Variants in ELFN1 observed in about 807,000 individuals in gnomAD.
ELFN1 encodes the protein protein ELFN1.
In ELFN1, 6 loss-of-function variants were observed where a neutral mutation model predicts 7.6. The observed-to-expected ratio is 0.79, with a 90% CI of 0.43 to 1.56. ELFN1 has a LOEUF of 1.56. ELFN1 is among the 40% of genes most tolerant of loss of function. ELFN1 has a pLI of 0.01. For missense variants in ELFN1, 1,169 were observed against 1,232.2 expected, an observed-to-expected ratio of 0.95 and a Z score of 0.77; for synonymous variants, 657 against 588.1, an observed-to-expected ratio of 1.12 and a Z score of -1.70.
In ELFN1 at chr7:1,670,935, G is replaced by A. The variant is rs955703087; in HGVS notation, c.-549+581G>A. On this transcript the variant is annotated intron_variant, in intron 1 of 3. Coordinates refer to ENST00000424383, the MANE Select transcript of ELFN1 (RefSeq NM_001128636.4). This position sits in a 1 kb window ranked among gnomAD's most constrained non-coding sequence, Gnocchi z 6.4. ...CCCTGAGTCCAACCACTGGCGGGGG[G>A]GTGGGGTGGGGGGCTTCGCTCCGAA... 9.9e-5 allele frequency among the ~76,000 whole-genome samples: 15 copies of A among 152,252 alleles called. No homozygotes were observed. The South Asian group carries it at 1.5e-3, about 15-fold the overall frequency.
intron 1 of ELFN1, among the ~76,000 whole-genome samples, chr7:1,676,313 T>C (rs1778870508): frequency 6.6e-6 from 1 of 152,122 alleles, no homozygotes; most frequent in South Asian, 2.1e-4. Context: ...GCCTCTGCCC[T>C]CTTCACTGAG....
Position 1,740,107 on chromosome 7 carries a change from T to C in ELFN1, c.-293-4197T>C, listed in dbSNP as rs563946914. Among the ~76,000 whole-genome samples, 1 of 152,224 alleles carries C rather than the reference T, an allele frequency of 6.6e-6. No individual in the cohort carries two copies. The highest frequency in any genetic ancestry group is 1.5e-5 in the Non-Finnish European group (1 of 67,974). Reference sequence around the variant, plus strand: ...AGAAAGTGGTGTGGGCAGGATGGCATTGCAGAGGGCTGGAGGTATCAGACC... The same window carrying C: ...AGAAAGTGGTGTGGGCAGGATGGCACTGCAGAGGGCTGGAGGTATCAGACC... On this transcript the variant is annotated intron_variant, in intron 3 of 3. Coordinates refer to ENST00000424383, the MANE Select transcript of ELFN1 (RefSeq NM_001128636.4). The surrounding 1 kb of genome is among the most constrained non-coding windows in gnomAD (Gnocchi z 5.0).
chr7:1,718,517 T>A (rs1347369892), intron 3 of ELFN1, among the ~76,000 whole-genome samples: 1 of 152,134 alleles, frequency 6.6e-6, no homozygotes, highest in Non-Finnish European at 1.5e-5. Flanking sequence ...TATGAGGAAA[T>A]CATTAGCATG....
Position 1,735,969 on chromosome 7 carries a change from G to C in ELFN1, c.-293-8335G>C, listed in dbSNP as rs1780429490. 6.6e-6 allele frequency among the ~76,000 whole-genome samples: 1 copy of C among 152,170 alleles called. No homozygotes were observed. Among genetic ancestry groups the C allele is most frequent in the Admixed American group, 6.5e-5 (1 of 15,282 alleles). Reference sequence around the variant, plus strand: ...AAGGTCACACAGCAGGCGCACGGCAGAGCCAACACCATCTCCTGGCCCACG... The same window carrying C: ...AAGGTCACACAGCAGGCGCACGGCACAGCCAACACCATCTCCTGGCCCACG... On this transcript the variant is annotated intron_variant, in intron 3 of 3. Transcript: ENST00000424383. This position sits in a 1 kb window ranked among gnomAD's most constrained non-coding sequence, Gnocchi z 5.9.
intron 3 of ELFN1, among the ~76,000 whole-genome samples, chr7:1,712,254 T>A (rs1230336517): frequency 6.6e-6 from 1 of 151,202 alleles, no homozygotes; most frequent in Admixed American, 6.6e-5. Flanking sequence ...CCTGAGTAGC[T>A]GGGACTACAG....
rs1175156383 is a variant in ELFN1, at chr7:1,745,513, T to G, written c.917T>G (p.Leu306Arg). 6.5e-7 allele frequency: 1 copy of G among 1,545,612 alleles called. No homozygotes were observed. Among genetic ancestry groups the G allele is most frequent in the Non-Finnish European group, 8.7e-7 (1 of 1,146,800 alleles). ...SGDGTTPLVALPTLATQAEAR... is the reference protein window; with the variant it reads ...SGDGTTPLVARPTLATQAEAR... ...GACGGCACCACGCCACTGGTGGCCC[T>G]GCCCACGCTGGCCACGCAGGCCGAG... Residue 306 changes from leucine to arginine, a missense_variant, in exon 4 of 4, where the codon CTG becomes CGG. Physicochemically the swap from Leu to Arg is moderately radical, Grantham distance 102. Transcript: ENST00000424383.
intron 3 of ELFN1, among the ~76,000 whole-genome samples, chr7:1,734,707 CT>C (rs543161002): frequency 1.1e-3 from 157 of 144,802 alleles, no homozygotes; most frequent in Admixed American, 1.1e-3. Flanking sequence ...CTTTTTTTTT[CT>C]TTTTTTTTTT....
At chr7:1,726,351 G>A (rs1211067536) in intron 3 of ELFN1, among the ~76,000 whole-genome samples, 2 of 152,194 alleles carry the variant, frequency 1.3e-5, no homozygotes, top group African/African-American at 4.8e-5. Context: ...CCTCACCTTG[G>A]CCCTTTGAAG....
intron 2 of ELFN1, chr7:1,691,767 C>A (rs1779170143): frequency 6.6e-6 from 1 of 152,248 alleles, no homozygotes; most frequent in Admixed American, 6.5e-5. Flanking sequence ...GAACCCCACA[C>A]CTGGGACATT....
intron 2 of ELFN1, among the ~76,000 whole-genome samples, chr7:1,700,310 T>C (rs900471770): frequency 3.9e-5 from 6 of 152,232 alleles, no homozygotes; most frequent in African/African-American, 1.4e-4. Flanking sequence ...GGTGAAGACG[T>C]AGAATGCTGG....
intron 3 of ELFN1, among the ~76,000 whole-genome samples, chr7:1,722,343 T>C (rs1199677250): frequency 2.0e-5 from 3 of 150,328 alleles, no homozygotes; most frequent in African/African-American, 7.4e-5. Context: ...CTCGGCTCAC[T>C]GCAACCTCCG....
At chr7:1,682,184 C>T (rs971597813) in intron 1 of ELFN1, among the ~76,000 whole-genome samples, 1 of 152,052 alleles carries the variant, frequency 6.6e-6, no homozygotes, top group Non-Finnish European at 1.5e-5. Context: ...AATCGTTTGC[C>T]TAACCCAAGG....
intron 1 of ELFN1, among the ~76,000 whole-genome samples, chr7:1,686,533 C>G (rs1161202457): frequency 6.6e-6 from 1 of 151,936 alleles, no homozygotes; most frequent in East Asian, 1.9e-4. Flanking sequence ...TAGATTACCT[C>G]TGTGTTTGCA....
intron 1 of ELFN1, among the ~76,000 whole-genome samples, chr7:1,681,029 A>C (rs1778966584): frequency 6.6e-6 from 1 of 152,210 alleles, no homozygotes; most frequent in Non-Finnish European, 1.5e-5. Context: ...GGCGTGAGCC[A>C]CTGCGCCCAG....
chr7:1,699,255 C>T (rs117145312), intron 2 of ELFN1, among the ~76,000 whole-genome samples: 3,171 of 152,270 alleles, frequency 0.021, 46 homozygotes, highest in Non-Finnish European at 0.027. Context: ...TGCACTTCCC[C>T]GCACATGTGT....
At chr7:1,726,934 G>T (rs961726488) in intron 3 of ELFN1, among the ~76,000 whole-genome samples, 4 of 152,198 alleles carry the variant, frequency 2.6e-5, no homozygotes, top group African/African-American at 9.6e-5. Flanking sequence ...GTCCTCTGAG[G>T]GTCGTTTTAC....
intron 3 of ELFN1, among the ~76,000 whole-genome samples, chr7:1,710,148 C>G (rs190727013): frequency 2.6e-4 from 39 of 152,316 alleles, no homozygotes; most frequent in African/African-American, 9.4e-4. Context: ...GCTTGTCTTC[C>G]ATATTGAAGA....
At position 1,722,760 on chromosome 7, in the gene ELFN1, T is replaced by G. The variant is rs930750658; in HGVS notation, c.-294+13508T>G. Among the ~76,000 whole-genome samples the G allele has an allele frequency of 7.2e-5, 11 of 152,348 alleles. No individual in the cohort carries two copies. The East Asian group carries it at 2.1e-3, about 29-fold the overall frequency. On this transcript the variant is annotated intron_variant, in intron 3 of 3. Transcript: ENST00000424383. ...AAATATCTAAGAAATCCCTTATAAA[T>G]ATTTTAAAGTTATAAAATATTTAAT...
intron 3 of ELFN1, among the ~76,000 whole-genome samples, chr7:1,733,526 C>T (rs1280637670): frequency 6.6e-6 from 1 of 152,054 alleles, no homozygotes; most frequent in Non-Finnish European, 1.5e-5. Flanking sequence ...GGAGATAGCA[C>T]CCCTTCCGAC....
Sources: allele counts gnomAD v4.1 joint callset (sites outside exome capture counted in the v4.1 genomes callset), GRCh38; gene constraint gnomAD v4.1.1; non-coding constraint Gnocchi (gnomAD v3.1); transcripts MANE v1.5; gene names NCBI Gene and HGNC (gene_info 2026-07-23, HGNC 2026-07-21).